The following RAI14 variants were observed in gnomAD, a reference collection of about 807,000 sequenced individuals.
RAI14 encodes the protein retinoic acid induced 14.
RAI14 carries 45 observed loss-of-function variants against 115.4 expected under a neutral mutation model. That is an observed-to-expected ratio of 0.39 (90% CI 0.31 to 0.50). RAI14 has a LOEUF of 0.50. Ranked by LOEUF, RAI14 falls within the 20% of genes least tolerant of loss-of-function variation. The pLI, the probability that RAI14 is intolerant of heterozygous loss-of-function variation, is 0.85. For missense variants in RAI14, 939 were observed against 1,131.2 expected, an observed-to-expected ratio of 0.83 and a Z score of 2.44; for synonymous variants, 371 against 415.4, an observed-to-expected ratio of 0.89 and a Z score of 1.30.
At chr5:34,808,702 G>T in intron 7 of RAI14, 48 bp downstream of exon 7, 1 of 1,538,700 alleles carries the variant, frequency 6.5e-7, no homozygotes. Flanking sequence ...TTGGTTTCTA[G>T]AGCTCAATGG....
At chr5:34,751,834 A>G (rs1747067975) in intron 2 of RAI14, among the ~76,000 whole-genome samples, 1 of 152,220 alleles carries the variant, frequency 6.6e-6, no homozygotes, top group Non-Finnish European at 1.5e-5. Context: ...AATAGTGAAG[A>G]ATTCTTCTCT....
In RAI14 at chr5:34,791,635, A is replaced by C. The variant is rs556485637; in HGVS notation, c.168-4304A>C. On this transcript the variant is annotated intron_variant, in intron 3 of 17. Coordinates refer to ENST00000265109, the MANE Select transcript of RAI14 (RefSeq NM_015577.3). This position sits in a 1 kb window ranked among gnomAD's most constrained non-coding sequence, Gnocchi z 5.4. ...TGTCATTCAGGGTCCTAGCAGGAAC[A>C]GGTAGCATCAAATAGGATAATTGAT... is the stretch of plus-strand genomic sequence containing the variant. Among the ~76,000 whole-genome samples, 1 of 152,348 alleles carries C rather than the reference A, an allele frequency of 6.6e-6. No homozygotes were observed. The highest frequency in any genetic ancestry group is 2.4e-5 in the African/African-American group (1 of 41,576).
chr5:34,754,021 C>T (rs1490150209), intron 2 of RAI14, among the ~76,000 whole-genome samples: 1 of 151,456 alleles, frequency 6.6e-6, no homozygotes, highest in Non-Finnish European at 1.5e-5. Context: ...GCAGAGGTTG[C>T]AGTGAGCCAA....
chr5:34,688,869 T>C (rs758611905), intron 2 of RAI14, among the ~76,000 whole-genome samples: 2 of 152,220 alleles, frequency 1.3e-5, no homozygotes, highest in Non-Finnish European at 2.9e-5. Flanking sequence ...TAACCAAATG[T>C]CCAGAGGTAT....
chr5:34,701,781 T>A (rs906185261), intron 2 of RAI14, among the ~76,000 whole-genome samples: 54 of 151,808 alleles, frequency 3.6e-4, no homozygotes, highest in Admixed American at 6.6e-4. Flanking sequence ...TCAGAATAAA[T>A]CTCTTCAAAC....
At chr5:34,703,659 TACA>T (rs1385904157) in intron 2 of RAI14, among the ~76,000 whole-genome samples, 4 of 152,164 alleles carry the variant, frequency 2.6e-5, no homozygotes, top group Admixed American at 2.6e-4. Context: ...TTGCAAATTT[TACA>T]ACAACAACAA....
intron 2 of RAI14, chr5:34,688,198 TA>T: frequency 6.4e-7 from 1 of 1,550,912 alleles, no homozygotes; most frequent in Non-Finnish European, 8.7e-7. Flanking sequence ...CTGCTGGCTG[TA>T]TGTTATGCAG....
chr5:34,762,056 A>G (rs1489583651), intron 3 of RAI14, among the ~76,000 whole-genome samples: 6 of 152,156 alleles, frequency 3.9e-5, no homozygotes, highest in African/African-American at 1.4e-4. Flanking sequence ...GGATGGTACA[A>G]TCTTATTGTG....
At chr5:34,802,040 G>A (rs1200942611) in intron 4 of RAI14, among the ~76,000 whole-genome samples, 2 of 151,928 alleles carry the variant, frequency 1.3e-5, no homozygotes, top group Non-Finnish European at 2.9e-5. Context: ...TTCCAGCCTG[G>A]GCTCAGAAAA....
rs183499789 is a variant in RAI14, at chr5:34,775,932, G to C, written c.167+18334G>C. 1.2e-3 allele frequency among the ~76,000 whole-genome samples: 185 copies of C among 152,272 alleles called. 1 individual carries two copies. Among genetic ancestry groups the C allele is most frequent in the African/African-American group, 4.0e-3 (168 of 41,550 alleles). ...CCCACTGCTAGGTATATACCCAAAA[G>C]AATGGAAATTGCTATATTGAAAAGA... On this transcript the variant is annotated intron_variant, in intron 3 of 17. Transcript: ENST00000265109.
intron 2 of RAI14, among the ~76,000 whole-genome samples, chr5:34,694,413 C>T (rs1433432128): frequency 2.0e-5 from 3 of 152,158 alleles, no homozygotes; most frequent in South Asian, 2.1e-4. Flanking sequence ...CAGGGGCCAG[C>T]GTTGGCCAAA....
At chr5:34,746,148 CA>C (rs1294746732) in intron 2 of RAI14, among the ~76,000 whole-genome samples, 204 of 142,776 alleles carry the variant, frequency 1.4e-3, no homozygotes, top group African/African-American at 4.8e-3. Flanking sequence ...CTCTGTCGCC[CA>C]GGCTGGAGTG....
intron 2 of RAI14, among the ~76,000 whole-genome samples, chr5:34,709,622 A>T (rs1457504106): frequency 6.6e-6 from 1 of 152,236 alleles, no homozygotes; most frequent in Non-Finnish European, 1.5e-5. Context: ...GACAGTTCTT[A>T]ACCCCACTGC....
rs181103042 is a variant in RAI14, at chr5:34,680,207, T to C, written c.-48-6665T>C. ...TTGCAGAGAACTATGAAGTGATTCC[T>C]ACCACCCCTACTGTCTTAGTCCATT... is the stretch of plus-strand genomic sequence containing the variant. On this transcript the variant is annotated intron_variant, in intron 1 of 17. Transcript: ENST00000265109. Among the ~76,000 whole-genome samples, 61 of 152,294 alleles carry C rather than the reference T, an allele frequency of 4.0e-4. No homozygotes were observed. The East Asian group carries it at 8.5e-3, about 21-fold the overall frequency.
rs139671542 is a variant in RAI14 at position 34,809,575 on chromosome 5, A to T, written c.450+921A>T. ...CTTCAGCCTCAAAGAGTGTGTTTATATAAAATTAAATGAGCTCTGGCAGAG... is the reference window on the plus strand; with the variant it reads ...CTTCAGCCTCAAAGAGTGTGTTTATTTAAAATTAAATGAGCTCTGGCAGAG... On this transcript the variant is annotated intron_variant, in intron 7 of 17. Coordinates refer to ENST00000265109, the MANE Select transcript of RAI14 (RefSeq NM_015577.3). 2.6e-5 allele frequency among the ~76,000 whole-genome samples: 4 copies of T among 151,708 alleles called. No homozygotes were observed. In the East Asian group the frequency reaches 7.7e-4, roughly 29 times the overall value.
rs142482062 is a variant in RAI14 at position 34,728,314 on chromosome 5, G to C, written c.37-29154G>C. Among the ~76,000 whole-genome samples the C allele has an allele frequency of 8.3e-3, 1,258 of 152,230 alleles. 11 individuals are homozygous for C. The highest frequency in any genetic ancestry group is 0.034 in the Middle Eastern group (10 of 294). On this transcript the variant is annotated intron_variant, in intron 2 of 17. Coordinates refer to ENST00000265109, the MANE Select transcript of RAI14 (RefSeq NM_015577.3). ...TAATGCTAAATGAGTTAAGACTTTG[G>C]GGGGCCGTTGGGAAGGCATGATTGG...
intron 2 of RAI14, among the ~76,000 whole-genome samples, chr5:34,713,432 G>A (rs1741633815): frequency 6.6e-6 from 1 of 152,074 alleles, no homozygotes; most frequent in African/African-American, 2.4e-5. Flanking sequence ...TCAGCCTCCT[G>A]AGTAGCCGGT....
intron 2 of RAI14, among the ~76,000 whole-genome samples, chr5:34,738,550 G>T (rs1277060692): frequency 6.6e-6 from 1 of 152,120 alleles, no homozygotes; most frequent in Non-Finnish European, 1.5e-5. Context: ...CTGTTGGTGT[G>T]GTGCCTTTTG....
intron 2 of RAI14, among the ~76,000 whole-genome samples, chr5:34,753,912 CA>C (rs34458773): frequency 0.026 from 3,093 of 117,200 alleles, 105 homozygotes; most frequent in African/African-American, 0.093. Flanking sequence ...GACTCTATCT[CA>C]AAAAAAAAAA....
Sources: gnomAD v4.1 joint callset for allele counts (sites outside exome capture counted in the v4.1 genomes callset) on GRCh38, gnomAD v4.1.1 for gene constraint, Gnocchi (gnomAD v3.1) non-coding constraint, MANE v1.5 for transcripts, NCBI Gene and HGNC (gene_info 2026-07-23, HGNC 2026-07-21) for gene names.